The following C8orf34 variants were observed in gnomAD, a reference collection of about 807,000 sequenced individuals.
C8orf34 encodes uncharacterized protein C8orf34.
Under a neutral mutation model 68.3 loss-of-function variants are expected in C8orf34, and 65 were observed. That is an observed-to-expected ratio of 0.95 (90% confidence interval 0.78 to 1.17). C8orf34 has a LOEUF of 1.17. C8orf34 is among the 50% of genes most tolerant of loss of function. C8orf34 has a pLI of 0.00. For missense variants in C8orf34, 664 were observed against 655.4 expected (o/e 1.01, Z -0.14); for synonymous variants, 244 against 241.2 (o/e 1.01, Z -0.11).
intron 7 of C8orf34, among the ~76,000 whole-genome samples, chr8:68,560,556 G>A (rs1415790486): frequency 2.6e-5 from 4 of 152,082 alleles, no homozygotes; most frequent in Admixed American, 1.3e-4. Context: ...GAACCTAGAC[G>A]GTACAGCCTA....
At chr8:68,680,072 T>C (rs948554100) in intron 8 of C8orf34, among the ~76,000 whole-genome samples, 2 of 151,964 alleles carry the variant, frequency 1.3e-5, no homozygotes, top group Non-Finnish European at 2.9e-5. Flanking sequence ...AATGGACAAA[T>C]GAGATCACAT....
chr8:68,426,489 A>G (rs1310505921), intron 1 of C8orf34, among the ~76,000 whole-genome samples: 1 of 141,722 alleles, frequency 7.1e-6, no homozygotes, highest in Non-Finnish European at 1.5e-5. Context: ...GCTGCACTCC[A>G]GTCTGAGTGA....
At chr8:68,345,803 C>G (rs994181208) in intron 1 of C8orf34, among the ~76,000 whole-genome samples, 7 of 151,478 alleles carry the variant, frequency 4.6e-5, no homozygotes, top group African/African-American at 1.7e-4. Context: ...TGTCAAGGTA[C>G]AGAAACATTT....
At position 68,398,394 on chromosome 8, in the gene C8orf34, G is replaced by T. The variant is rs917139039; in HGVS notation, c.328-41105G>T. Among the ~76,000 whole-genome samples, 4 of 152,200 alleles carry T rather than the reference G, an allele frequency of 2.6e-5. No individual in the cohort carries two copies. The East Asian group carries it at 7.7e-4, about 29-fold the overall frequency. On this transcript the variant is annotated intron_variant, in intron 1 of 13. Coordinates refer to ENST00000518698, the MANE Select transcript of C8orf34 (RefSeq NM_052958.4). Reference sequence around the variant, plus strand: ...TTTATTAAATATATGCTCATAGGTTGATTTACATAAGCCTGAAAGGAATTT... The same window carrying T: ...TTTATTAAATATATGCTCATAGGTTTATTTACATAAGCCTGAAAGGAATTT...
intron 3 of C8orf34, among the ~76,000 whole-genome samples, chr8:68,458,559 C>T (rs1811648293): frequency 6.6e-6 from 1 of 152,164 alleles, no homozygotes; most frequent in South Asian, 2.1e-4. Flanking sequence ...TGTAGTGATA[C>T]AGATTGCAGA....
At chr8:68,587,477 C>T (rs1209022562) in intron 7 of C8orf34, among the ~76,000 whole-genome samples, 1 of 151,888 alleles carries the variant, frequency 6.6e-6, no homozygotes, top group African/African-American at 2.4e-5. Flanking sequence ...TTGGCTCTGG[C>T]CCTTTTTGAA....
chr8:68,545,172 C>G (rs1048130805), intron 7 of C8orf34, among the ~76,000 whole-genome samples: 2 of 152,018 alleles, frequency 1.3e-5, no homozygotes, highest in African/African-American at 2.4e-5. Context: ...TAATTGAATC[C>G]TGGGGGCGGT....
At chr8:68,605,839 C>T (rs1165006554) in intron 7 of C8orf34, among the ~76,000 whole-genome samples, 1 of 151,978 alleles carries the variant, frequency 6.6e-6, no homozygotes, top group African/African-American at 2.4e-5. Flanking sequence ...AATGTAAAAG[C>T]ACAAAGAATG....
intron 10 of C8orf34, among the ~76,000 whole-genome samples, chr8:68,745,038 G>C (rs950555605): frequency 6.6e-6 from 1 of 152,060 alleles, no homozygotes; most frequent in Non-Finnish European, 1.5e-5. Context: ...CGGATCTCTC[G>C]GCAGAAACCC....
intron 1 of C8orf34, among the ~76,000 whole-genome samples, chr8:68,376,566 GC>G (rs1457542063): frequency 6.6e-6 from 1 of 151,654 alleles, no homozygotes; most frequent in Non-Finnish European, 1.5e-5. Flanking sequence ...TTCCTCTTGG[GC>G]CTGCCTGCCT....
At chr8:68,582,193 C>T (rs376297994) in intron 7 of C8orf34, among the ~76,000 whole-genome samples, 1 of 152,084 alleles carries the variant, frequency 6.6e-6, no homozygotes, top group African/African-American at 2.4e-5. Flanking sequence ...TATGGTTAGA[C>T]TCAATGAAGA....
chr8:68,630,334 T>C (rs1818654785), intron 7 of C8orf34, among the ~76,000 whole-genome samples: 2 of 152,228 alleles, frequency 1.3e-5, no homozygotes, highest in South Asian at 2.1e-4. Flanking sequence ...AGTTACAAAT[T>C]AGATATTTTG....
At chr8:68,462,294 G>A (rs1563458643) in intron 3 of C8orf34, among the ~76,000 whole-genome samples, 1 of 152,128 alleles carries the variant, frequency 6.6e-6, no homozygotes, top group Non-Finnish European at 1.5e-5. Flanking sequence ...CATAAAGCAA[G>A]TCCTGAATGA....
intron 7 of C8orf34, among the ~76,000 whole-genome samples, chr8:68,541,929 T>A (rs1366647214): frequency 1.3e-5 from 2 of 152,248 alleles, no homozygotes; most frequent in Non-Finnish European, 2.9e-5. Context: ...TCAAGCTTTT[T>A]ATTTAAAAAG....
At chr8:68,413,333 G>A (rs1277379974) in intron 1 of C8orf34, among the ~76,000 whole-genome samples, 9 of 152,330 alleles carry the variant, frequency 5.9e-5, no homozygotes, top group Admixed American at 3.9e-4. Context: ...GCCAACTGCA[G>A]AGCAGAAGTA....
chr8:68,631,365 G>A (rs879758564), intron 7 of C8orf34, among the ~76,000 whole-genome samples: 11 of 152,136 alleles, frequency 7.2e-5, no homozygotes, highest in South Asian at 2.1e-4. Context: ...CTTGACCTCC[G>A]TCCAGAAGTG....
intron 1 of C8orf34, among the ~76,000 whole-genome samples, chr8:68,416,479 CAT>C (rs1321107358): frequency 6.6e-6 from 1 of 151,842 alleles, no homozygotes; most frequent in African/African-American, 2.4e-5. Flanking sequence ...ATTGAATAAA[CAT>C]ATGAATTAGT....
chr8:68,778,672 A>G (rs145095688), intron 11 of C8orf34, among the ~76,000 whole-genome samples: 75 of 152,312 alleles, frequency 4.9e-4, no homozygotes, highest in African/African-American at 1.8e-3. Context: ...AATAGCTCTG[A>G]TAGTTAAATT....
At chr8:68,643,634 C>A (rs897149486) in intron 8 of C8orf34, among the ~76,000 whole-genome samples, 3 of 152,060 alleles carry the variant, frequency 2.0e-5, no homozygotes, top group Non-Finnish European at 4.4e-5. Flanking sequence ...GGAGGGTGAG[C>A]TAGCTTTCTG....
Sources: allele counts gnomAD v4.1 joint callset (sites outside exome capture counted in the v4.1 genomes callset), GRCh38; gene constraint gnomAD v4.1.1; transcripts MANE v1.5; gene names NCBI Gene and HGNC (gene_info 2026-07-23, HGNC 2026-07-21).